Variants in FARS2 observed in about 807,000 individuals in gnomAD.
FARS2 encodes the protein phenylalanyl-tRNA synthetase 2, mitochondrial, also known as phenylalanine--tRNA ligase, mitochondrial.
FARS2 carries 40 observed loss-of-function variants against 46.4 expected under a neutral mutation model. The ratio of observed to expected loss-of-function variants is 0.86; its 90% confidence interval spans 0.67 to 1.12. The LOEUF is 1.12. Among genes scored for constraint, FARS2 ranks in the 50% most tolerant of loss-of-function variants. FARS2 has a pLI of 0.00. For synonymous variants in FARS2, 234 were observed against 214.9 expected, an observed-to-expected ratio of 1.09 and a Z score of -0.78; for missense variants, 513 against 567.9, an observed-to-expected ratio of 0.90 and a Z score of 0.98.
intron 3 of FARS2, among the ~76,000 whole-genome samples, chr6:5,407,608 T>G (rs1180497458): frequency 6.6e-6 from 1 of 152,178 alleles, no homozygotes; most frequent in Non-Finnish European, 1.5e-5. Context: ...TAATGTTTTT[T>G]TTTTTAAACT....
At chr6:5,401,933 A>G (rs1335029194) in intron 2 of FARS2, among the ~76,000 whole-genome samples, 3 of 151,872 alleles carry the variant, frequency 2.0e-5, no homozygotes, top group African/African-American at 4.8e-5. Flanking sequence ...TATGTCCTAT[A>G]TTTGATTTTT....
upstream of FARS2, among the ~76,000 whole-genome samples, chr6:5,256,170 G>C (rs186841135): frequency 6.6e-6 from 1 of 152,152 alleles, no homozygotes; most frequent in Non-Finnish European, 1.5e-5. Context: ...GTTGGCTGAA[G>C]AAGAGCCAAG....
chr6:5,438,116 C>T (rs2127781533), intron 4 of FARS2, among the ~76,000 whole-genome samples: 1 of 151,812 alleles, frequency 6.6e-6, no homozygotes, highest in Non-Finnish European at 1.5e-5. Context: ...TCTAAAGAGA[C>T]ATCCATAATC....
chr6:5,595,682 A>C (rs1774158472), intron 5 of FARS2, among the ~76,000 whole-genome samples: 1 of 152,238 alleles, frequency 6.6e-6, no homozygotes, highest in South Asian at 2.1e-4. Context: ...TGGGAGAAGC[A>C]GATGGATCTG....
At chr6:5,622,550 C>T (rs577640743) in intron 6 of FARS2, among the ~76,000 whole-genome samples, 2 of 152,294 alleles carry the variant, frequency 1.3e-5, no homozygotes, top group South Asian at 2.1e-4. Context: ...GAATGGGATT[C>T]GTGCCCTTAT....
chr6:5,303,610 A>G (rs115624504), intron 1 of FARS2, among the ~76,000 whole-genome samples: 3,271 of 151,916 alleles, frequency 0.022, 111 homozygotes, highest in African/African-American at 0.075. Flanking sequence ...CTGCTCCCCA[A>G]GCCCCCTGCT....
chr6:5,513,077 T>C (rs955630144), intron 4 of FARS2, among the ~76,000 whole-genome samples: 8 of 152,116 alleles, frequency 5.3e-5, no homozygotes, highest in Non-Finnish European at 4.4e-5. Flanking sequence ...ATGGAGGCTA[T>C]GGGAATATTT....
chr6:5,490,527 C>G (rs536726388), intron 4 of FARS2, among the ~76,000 whole-genome samples: 1 of 152,194 alleles, frequency 6.6e-6, no homozygotes, highest in African/African-American at 2.4e-5. Flanking sequence ...TGCAAGATGG[C>G]CCCCAGTGAT....
intron 6 of FARS2, among the ~76,000 whole-genome samples, chr6:5,753,314 A>T (rs557448936): frequency 2.0e-4 from 30 of 152,308 alleles, no homozygotes; most frequent in African/African-American, 7.0e-4. Flanking sequence ...GCCCTCTCGG[A>T]CATTTTTCTC....
At chr6:5,646,275 C>G (rs1231517909) in intron 6 of FARS2, among the ~76,000 whole-genome samples, 1 of 152,152 alleles carries the variant, frequency 6.6e-6, no homozygotes, top group Non-Finnish European at 1.5e-5. Flanking sequence ...GCTCTAATAT[C>G]CAGGCTATAA....
chr6:5,716,922 G>A (rs899068864), intron 6 of FARS2, among the ~76,000 whole-genome samples: 1 of 152,200 alleles, frequency 6.6e-6, no homozygotes, highest in African/African-American at 2.4e-5. Flanking sequence ...CCCAAAGCTT[G>A]TGTGGAGACT....
chr6:5,536,125 C>T (rs1770181049), intron 4 of FARS2, among the ~76,000 whole-genome samples: 1 of 149,420 alleles, frequency 6.7e-6, no homozygotes, highest in Non-Finnish European at 1.5e-5. Context: ...GATCTTGGCT[C>T]ACTGCAAGCT....
At chr6:5,388,123 A>G (rs1366003511) in intron 2 of FARS2, among the ~76,000 whole-genome samples, 1 of 152,008 alleles carries the variant, frequency 6.6e-6, no homozygotes, top group Non-Finnish European at 1.5e-5. Context: ...TATCTTTGAC[A>G]GTGGGAGAAG....
chr6:5,390,605 T>C (rs1259563786), intron 2 of FARS2, among the ~76,000 whole-genome samples: 2 of 152,258 alleles, frequency 1.3e-5, no homozygotes, highest in Admixed American at 1.3e-4. Flanking sequence ...GCAATATTTC[T>C]TTCCCTTACA....
intron 6 of FARS2, among the ~76,000 whole-genome samples, chr6:5,615,362 G>A (rs1462421647): frequency 6.6e-6 from 1 of 152,054 alleles, no homozygotes; most frequent in Non-Finnish European, 1.5e-5. Flanking sequence ...CCCTTACTGT[G>A]TTTTCTTCTG....
At chr6:5,353,731 T>TTG (rs1554167433) in intron 1 of FARS2, among the ~76,000 whole-genome samples, 78 of 127,682 alleles carry the variant, frequency 6.1e-4, no homozygotes, top group African/African-American at 2.3e-3. Flanking sequence ...TTGGTGTTTT[T>TTG]TTTTTTTTTT....
intron 4 of FARS2, among the ~76,000 whole-genome samples, chr6:5,517,571 C>T (rs938798867): frequency 6.6e-6 from 1 of 151,276 alleles, no homozygotes; most frequent in African/African-American, 2.4e-5. Flanking sequence ...AAGATCACAC[C>T]ACTCCACTCC....
intron 5 of FARS2, among the ~76,000 whole-genome samples, chr6:5,581,269 T>G (rs1773311856): frequency 6.6e-6 from 1 of 152,238 alleles, no homozygotes; most frequent in Non-Finnish European, 1.5e-5. Flanking sequence ...GAACATTTAC[T>G]GCTCTCTTGA....
intron 1 of FARS2, among the ~76,000 whole-genome samples, chr6:5,356,727 C>A (rs184850119): frequency 2.2e-4 from 34 of 151,834 alleles, no homozygotes; most frequent in Admixed American, 1.9e-3. Flanking sequence ...ACCAGAGGCT[C>A]GCAGGAAACC....
Sources: allele counts gnomAD v4.1 joint callset (sites outside exome capture counted in the v4.1 genomes callset), GRCh38; gene constraint gnomAD v4.1.1; transcripts MANE v1.5; gene names NCBI Gene and HGNC (gene_info 2026-07-23, HGNC 2026-07-21).